Variants in BLTP1 observed in about 807,000 individuals in gnomAD.
The protein encoded by BLTP1 is bridge-like lipid transfer protein family member 1.
chr4:122,359,918 T>A, the BLTP1 span: 1 of 985,428 alleles, frequency 1.0e-6, no homozygotes, highest in South Asian at 4.7e-5. Flanking sequence ...GAAGTACAAA[T>A]GTTGAGAATA....
chr4:122,176,887 T>TG, the BLTP1 span, among the ~76,000 whole-genome samples: 1 of 152,226 alleles, frequency 6.6e-6, no homozygotes, highest in Non-Finnish European at 1.5e-5. Flanking sequence ...CACCTTTACT[T>TG]GCTGTAGTTT....
the BLTP1 span, among the ~76,000 whole-genome samples, chr4:122,301,832 CAGG>C: frequency 1.3e-5 from 2 of 152,128 alleles, no homozygotes; most frequent in Non-Finnish European, 2.9e-5. Context: ...AAGGCTGATG[CAGG>C]AGGATTGCTT....
the BLTP1 span, among the ~76,000 whole-genome samples, chr4:122,335,434 A>G: frequency 3.3e-5 from 5 of 152,130 alleles, no homozygotes; most frequent in African/African-American, 1.2e-4. Flanking sequence ...CATACATGGC[A>G]GGATTTCCAA....
the BLTP1 span, among the ~76,000 whole-genome samples, chr4:122,351,459 A>G: frequency 6.6e-6 from 1 of 152,172 alleles, no homozygotes; most frequent in Admixed American, 6.6e-5. Context: ...AGCTTTCAAA[A>G]CACATTCAAA....
chr4:122,271,800 C>A, the BLTP1 span: 3 of 993,162 alleles, frequency 3.0e-6, no homozygotes, highest in Non-Finnish European at 4.4e-6. Context: ...GACTGTTCAT[C>A]ATGTTTTCTT....
the BLTP1 span, chr4:122,214,393 G>T: frequency 3.1e-6 from 3 of 965,204 alleles, no homozygotes; most frequent in African/African-American, 5.3e-5. Context: ...GGTTCTATAA[G>T]CCAGTGAATT....
the BLTP1 span, chr4:122,325,959 C>T: frequency 1.9e-6 from 1 of 539,746 alleles, no homozygotes; most frequent in Non-Finnish European, 3.0e-6. Flanking sequence ...TAAAACTAAT[C>T]AACCACACTG....
the BLTP1 span, among the ~76,000 whole-genome samples, chr4:122,178,604 C>T: frequency 6.6e-6 from 1 of 152,184 alleles, no homozygotes; most frequent in Admixed American, 6.5e-5. Flanking sequence ...TCTGAATGTA[C>T]GTTGACAACA....
chr4:122,237,509 A>G, the BLTP1 span: 1 of 468,326 alleles, frequency 2.1e-6, no homozygotes, highest in Non-Finnish European at 2.8e-6. Context: ...AAAAGGGGAA[A>G]ATGCTTAAAA....
At chr4:122,207,536 TG>T in the BLTP1 span, 3 of 1,579,174 alleles carry the variant, frequency 1.9e-6, no homozygotes, top group Non-Finnish European at 8.5e-7. Context: ...TTTTTTCTTT[TG>T]TAGTGTATCT....
the BLTP1 span, chr4:122,300,027 T>C: frequency 1.3e-6 from 1 of 772,740 alleles, no homozygotes; most frequent in South Asian, 5.9e-5. Context: ...TTATTTTGTT[T>C]TTGAGTCAGT....
chr4:122,357,816 T>G, the BLTP1 span, among the ~76,000 whole-genome samples: 5 of 152,188 alleles, frequency 3.3e-5, no homozygotes, highest in Admixed American at 3.3e-4. Context: ...CACTATAATA[T>G]TGTTTCATTT....
the BLTP1 span, among the ~76,000 whole-genome samples, chr4:122,253,556 A>G: frequency 2.0e-5 from 3 of 152,088 alleles, no homozygotes; most frequent in Non-Finnish European, 2.9e-5. Flanking sequence ...CAAGCAGAAG[A>G]AAGAATTAAT....
chr4:122,304,276 A>T, the BLTP1 span, among the ~76,000 whole-genome samples: 1 of 152,110 alleles, frequency 6.6e-6, no homozygotes, highest in Non-Finnish European at 1.5e-5. Flanking sequence ...CAGTTGCATG[A>T]TCTCGGCTCA....
chr4:122,199,464 A>T, the BLTP1 span: 6 of 1,597,708 alleles, frequency 3.8e-6, no homozygotes, highest in Non-Finnish European at 5.1e-6. Flanking sequence ...AGTCTGTAGT[A>T]CATGATGATA....
At chr4:122,198,110 G>A in the BLTP1 span, 3 of 985,282 alleles carry the variant, frequency 3.0e-6, no homozygotes, top group Non-Finnish European at 3.6e-6. Flanking sequence ...CAGGCAGAGG[G>A]TTGACTACGT....
chr4:122,222,440 T>C, the BLTP1 span, among the ~76,000 whole-genome samples: 1 of 152,304 alleles, frequency 6.6e-6, no homozygotes, highest in Non-Finnish European at 1.5e-5. Context: ...GGTCATCTTA[T>C]GTATTAATTT....
chr4:122,279,622 A>T, the BLTP1 span: 5 of 381,386 alleles, frequency 1.3e-5, no homozygotes, highest in Middle Eastern at 1.3e-3. Flanking sequence ...AATAATTCTG[A>T]AATCTACACT....
the BLTP1 span, chr4:122,242,837 C>T: frequency 5.7e-6 from 1 of 175,970 alleles, no homozygotes; most frequent in Non-Finnish European, 1.1e-5. Context: ...GTGAAACTGC[C>T]AATTGAATAT....
Sources: gnomAD v4.1 joint callset for allele counts (sites outside exome capture counted in the v4.1 genomes callset) on GRCh38, gnomAD v4.1.1 for gene constraint, MANE v1.5 for transcripts, NCBI Gene and HGNC (gene_info 2026-07-23, HGNC 2026-07-21) for gene names.